Variants in MAN1A1 observed in about 807,000 individuals in gnomAD.
MAN1A1 encodes mannosidase alpha class 1A member 1.
MAN1A1 carries 29 observed loss-of-function variants against 70.8 expected under a neutral mutation model. That is an observed-to-expected ratio of 0.41 (90% CI 0.31 to 0.56). The LOEUF (loss-of-function observed/expected upper bound fraction) is 0.56. Among genes scored for constraint, MAN1A1 ranks in the 20% least tolerant of loss-of-function variants. The probability of loss-of-function intolerance (pLI) is 0.29; values close to 1 mark genes in which losing one functional copy is unlikely to be tolerated. For missense variants in MAN1A1, 747 were observed against 841.3 expected, an observed-to-expected ratio of 0.89 and a Z score of 1.39; for synonymous variants, 349 against 330.1, an observed-to-expected ratio of 1.06 and a Z score of -0.62.
chr6:119,292,229 TA>T (rs1290635723), intron 4 of MAN1A1, among the ~76,000 whole-genome samples: 1 of 152,054 alleles, frequency 6.6e-6, no homozygotes, highest in Non-Finnish European at 1.5e-5. Context: ...ACCTACTATT[TA>T]GATTATAAAG....
chr6:119,218,873 G>GTTT lies in MAN1A1; in HGVS notation c.993-13994_993-13992dup, dbSNP rs140884805. The stretch of plus-strand genomic sequence containing the variant: ...GGAATAACTGGGTAAATAATTATCT[G>GTTT]TTTTTTTTTTAATTAATCTTTCTTA... On this transcript the variant is annotated intron_variant, in intron 6 of 12. Transcript: ENST00000368468. Among the ~76,000 whole-genome samples, 914 of 149,438 alleles carry GTTT rather than the reference G, an allele frequency of 6.1e-3. 7 individuals carry two copies. The highest frequency in any genetic ancestry group is 0.021 in the African/African-American group (867 of 40,716).
At chr6:119,242,498 A>G (rs1271331906) in intron 6 of MAN1A1, among the ~76,000 whole-genome samples, 1 of 152,190 alleles carries the variant, frequency 6.6e-6, no homozygotes, top group Non-Finnish European at 1.5e-5. Context: ...GAGCACTGAT[A>G]GCTTAAAAAT....
At chr6:119,245,256 T>C (rs1255749956) in intron 6 of MAN1A1, among the ~76,000 whole-genome samples, 1 of 152,172 alleles carries the variant, frequency 6.6e-6, no homozygotes, top group Non-Finnish European at 1.5e-5. Context: ...TACATTCTCT[T>C]ATTCTGAGAA....
chr6:119,208,989 G>A (rs940187635), intron 6 of MAN1A1, among the ~76,000 whole-genome samples: 5 of 151,080 alleles, frequency 3.3e-5, no homozygotes, highest in African/African-American at 1.2e-4. Flanking sequence ...CAGCTACCTG[G>A]GAAGTGGAGG....
At chr6:119,229,212 G>GA (rs1774605259) in intron 6 of MAN1A1, among the ~76,000 whole-genome samples, 2 of 46,808 alleles carry the variant, frequency 4.3e-5, no homozygotes, top group East Asian at 1.1e-3. Flanking sequence ...TGTGTTCTGA[G>GA]ACAAAAAAAA....
intron 2 of MAN1A1, among the ~76,000 whole-genome samples, chr6:119,341,455 A>C (rs1773591634): frequency 1.3e-5 from 2 of 152,092 alleles, no homozygotes; most frequent in Admixed American, 1.3e-4. Flanking sequence ...ACTTCTCAAC[A>C]CCTAAGAAGC....
intron 8 of MAN1A1, among the ~76,000 whole-genome samples, chr6:119,195,654 G>A (rs777145117): frequency 2.0e-5 from 3 of 152,116 alleles, no homozygotes; most frequent in African/African-American, 4.8e-5. Context: ...GTCCACCCCA[G>A]CCCCTGGAAA....
chr6:119,349,497 A>G (rs1295389), intron 1 of MAN1A1, 45 bp downstream of exon 1: 979,419 of 979,432 alleles, frequency 1, 489,703 homozygotes, highest in Middle Eastern at 1. Context: ...CCGCGCAGGA[A>G]GGGGTCAGGG....
intron 6 of MAN1A1, among the ~76,000 whole-genome samples, chr6:119,216,024 G>A (rs1774191074): frequency 6.6e-6 from 1 of 152,126 alleles, no homozygotes. Flanking sequence ...CCTAAGTTAG[G>A]CATGAGTCTG....
chr6:119,242,494 T>C (rs1775039808), intron 6 of MAN1A1, among the ~76,000 whole-genome samples: 1 of 152,126 alleles, frequency 6.6e-6, no homozygotes, highest in African/African-American at 2.4e-5. Flanking sequence ...TCAGGAGCAC[T>C]GATAGCTTAA....
chr6:119,239,952 C>G (rs887991610), intron 6 of MAN1A1, among the ~76,000 whole-genome samples: 10 of 152,222 alleles, frequency 6.6e-5, no homozygotes, highest in African/African-American at 2.4e-4. Context: ...CTGTAAAACA[C>G]TAGTTCTGTG....
At chr6:119,246,258 G>C (rs1055681723) in intron 6 of MAN1A1, among the ~76,000 whole-genome samples, 6 of 152,046 alleles carry the variant, frequency 3.9e-5, no homozygotes, top group African/African-American at 1.4e-4. Flanking sequence ...TCCAGGAAAC[G>C]AGAGAAACTA....
chr6:119,288,721 T>C (rs1176786864), intron 5 of MAN1A1, among the ~76,000 whole-genome samples: 4 of 151,740 alleles, frequency 2.6e-5, no homozygotes, highest in Admixed American at 2.6e-4. Flanking sequence ...AATAAAAAGA[T>C]ACTGAAAATA....
intron 2 of MAN1A1, among the ~76,000 whole-genome samples, chr6:119,346,126 C>T (rs1358941877): frequency 2.0e-5 from 3 of 152,022 alleles, no homozygotes; most frequent in Non-Finnish European, 4.4e-5. Flanking sequence ...GAAAAGAAAA[C>T]ACAATGGTAA....
chr6:119,256,381 T>C (rs767822164), intron 5 of MAN1A1, among the ~76,000 whole-genome samples: 2 of 151,714 alleles, frequency 1.3e-5, no homozygotes, highest in Admixed American at 6.6e-5. Context: ...TGAGTAAATG[T>C]TGATAAATGA....
chr6:119,232,672 C>T (rs988018525), intron 6 of MAN1A1, among the ~76,000 whole-genome samples: 2 of 132,838 alleles, frequency 1.5e-5, no homozygotes, highest in South Asian at 2.4e-4. Context: ...CATATATACA[C>T]ATATATATGT....
At chr6:119,253,572 C>A (rs772194758) in intron 5 of MAN1A1, among the ~76,000 whole-genome samples, 3 of 152,176 alleles carry the variant, frequency 2.0e-5, no homozygotes, top group Non-Finnish European at 4.4e-5. Flanking sequence ...GCAGAAAATG[C>A]TTTCCAAGAG....
chr6:119,322,517 C>T (rs1773037552), intron 2 of MAN1A1, among the ~76,000 whole-genome samples: 1 of 152,082 alleles, frequency 6.6e-6, no homozygotes, highest in African/African-American at 2.4e-5. Flanking sequence ...GTCCAGAGTA[C>T]CACAATAAAA....
At chr6:119,216,544 A>G (rs1774208912) in intron 6 of MAN1A1, among the ~76,000 whole-genome samples, 1 of 152,188 alleles carries the variant, frequency 6.6e-6, no homozygotes, top group East Asian at 1.9e-4. Flanking sequence ...TGTGGTAAAG[A>G]CAAGCATGCG....
Sources: allele counts gnomAD v4.1 joint callset (sites outside exome capture counted in the v4.1 genomes callset), GRCh38; gene constraint gnomAD v4.1.1; transcripts MANE v1.5; gene names NCBI Gene and HGNC (gene_info 2026-07-23, HGNC 2026-07-21).